CACNA2D1: variants seen among roughly 807,000 people sequenced by gnomAD.
CACNA2D1 encodes voltage-dependent calcium channel subunit alpha-2/delta-1.
A neutral mutation model predicts 171.5 loss-of-function variants in CACNA2D1; 53 were observed. That is an observed-to-expected ratio of 0.31 (90% CI 0.25 to 0.39). The LOEUF (loss-of-function observed/expected upper bound fraction) is 0.39. CACNA2D1 is among the 10% of genes least tolerant of loss of function. The probability of loss-of-function intolerance (pLI) is 1.00; values close to 1 mark genes in which losing one functional copy is unlikely to be tolerated. For synonymous variants in CACNA2D1, 442 were observed against 443.1 expected (o/e 1.00, Z 0.03); for missense variants, 903 against 1,299.8 (o/e 0.69, Z 4.69).
chr7:82,097,524 G>A (rs1812035352), intron 6 of CACNA2D1, among the ~76,000 whole-genome samples: 1 of 152,130 alleles, frequency 6.6e-6, no homozygotes, highest in Non-Finnish European at 1.5e-5. Context: ...AGGAAGCATG[G>A]TTTTCTGACT....
rs147597228 is a variant in CACNA2D1 at position 82,327,101 on chromosome 7, C to T, written c.294+8034G>A. ...AGAAAACAATATTTCCTTTCCTCTC[C>T]TCTGCTTCTTTAAAATGAATTTTCT... is the stretch of plus-strand genomic sequence containing the variant. On this transcript the variant is annotated intron_variant, in intron 3 of 38. Coordinates refer to ENST00000356860, the MANE Select transcript of CACNA2D1 (RefSeq NM_000722.4). 1.3e-3 allele frequency among the ~76,000 whole-genome samples: 197 copies of T among 152,330 alleles called. 1 individual carries two copies. Among genetic ancestry groups the T allele is most frequent in the African/African-American group, 4.4e-3 (183 of 41,574 alleles).
At chr7:82,002,040 A>G (rs995224354) in intron 18 of CACNA2D1, among the ~76,000 whole-genome samples, 7 of 149,728 alleles carry the variant, frequency 4.7e-5, no homozygotes, top group African/African-American at 1.5e-4. Flanking sequence ...AAAAAAAAAA[A>G]AAAGAGAGAG....
At chr7:82,351,505 T>C (rs1380286564) in intron 1 of CACNA2D1, among the ~76,000 whole-genome samples, 1 of 151,848 alleles carries the variant, frequency 6.6e-6, no homozygotes, top group African/African-American at 2.4e-5. Context: ...ATGGAATACA[T>C]TAAAACTAGG....
At chr7:82,302,441 G>C (rs945304280) in intron 3 of CACNA2D1, among the ~76,000 whole-genome samples, 1 of 141,314 alleles carries the variant, frequency 7.1e-6, no homozygotes, top group Non-Finnish European at 1.5e-5. Context: ...ACGGAGTTTC[G>C]CTCTTGATGC....
intron 6 of CACNA2D1, among the ~76,000 whole-genome samples, chr7:82,101,369 G>A (rs1812658333): frequency 1.3e-5 from 2 of 152,132 alleles, no homozygotes; most frequent in South Asian, 4.1e-4. Flanking sequence ...CACAGGTGAT[G>A]ATGGGTGACA....
chr7:82,035,984 T>C (rs1358199978), intron 11 of CACNA2D1, among the ~76,000 whole-genome samples: 1 of 152,166 alleles, frequency 6.6e-6, no homozygotes, highest in Non-Finnish European at 1.5e-5. Flanking sequence ...ATTTTCTGTC[T>C]TCTTAATCTA....
intron 1 of CACNA2D1, among the ~76,000 whole-genome samples, chr7:82,435,739 A>G (rs1279572720): frequency 1.3e-5 from 2 of 151,720 alleles, no homozygotes; most frequent in Non-Finnish European, 2.9e-5. Context: ...ATTCAAACCT[A>G]TTACTTTTTT....
At chr7:82,076,801 T>C (rs1210012052) in intron 7 of CACNA2D1, among the ~76,000 whole-genome samples, 1 of 152,158 alleles carries the variant, frequency 6.6e-6, no homozygotes, top group African/African-American at 2.4e-5. Context: ...TTTGATTCAA[T>C]ATTACTTTTT....
intron 3 of CACNA2D1, among the ~76,000 whole-genome samples, chr7:82,218,136 G>A (rs1386761520): frequency 6.6e-5 from 10 of 151,904 alleles, no homozygotes; most frequent in African/African-American, 2.4e-4. Flanking sequence ...TGGTTTCACC[G>A]TGTTGGACAG....
Position 82,370,865 on chromosome 7 carries a change from G to A in CACNA2D1, c.96-21216C>T, listed in dbSNP as rs139564407. The stretch of plus-strand genomic sequence containing the variant: ...TGAAATACGCAGTAGTTCAAATATT[G>A]AATTAAAAATAAAGGATTTTAAAAT... On this transcript the variant is annotated intron_variant, in intron 1 of 38. Coordinates refer to ENST00000356860, the MANE Select transcript of CACNA2D1 (RefSeq NM_000722.4). Among the ~76,000 whole-genome samples, 834 of 152,026 alleles carry A rather than the reference G, an allele frequency of 5.5e-3. 9 individuals are homozygous for A. The highest frequency in any genetic ancestry group is 0.019 in the African/African-American group (792 of 41,468).
At chr7:82,237,333 G>A (rs2129289051) in intron 3 of CACNA2D1, among the ~76,000 whole-genome samples, 1 of 151,970 alleles carries the variant, frequency 6.6e-6, no homozygotes, top group South Asian at 2.1e-4. Flanking sequence ...TCTAAAGCTA[G>A]ATCAGCAAAT....
chr7:82,441,405 T>C (rs1830493305), intron 1 of CACNA2D1, among the ~76,000 whole-genome samples: 1 of 152,102 alleles, frequency 6.6e-6, no homozygotes, highest in African/African-American at 2.4e-5. Flanking sequence ...ATGTCTTATA[T>C]AATTTGAAAA....
chr7:82,228,753 T>TTTA (rs1328702148), intron 3 of CACNA2D1, among the ~76,000 whole-genome samples: 13 of 152,010 alleles, frequency 8.6e-5, no homozygotes, highest in South Asian at 4.2e-4. Context: ...CTGCAAACGT[T>TTTA]TTATTATTAT....
intron 4 of CACNA2D1, among the ~76,000 whole-genome samples, chr7:82,138,443 TTTTTTG>T (rs1218172611): frequency 0.14 from 10,711 of 76,454 alleles, 1,016 homozygotes; most frequent in East Asian, 0.24. Context: ...TTTTTTTGTT[TTTTTTG>T]TTTTTTTTTT....
At chr7:82,366,727 G>GTA (rs1341389398) in intron 1 of CACNA2D1, among the ~76,000 whole-genome samples, 4 of 151,828 alleles carry the variant, frequency 2.6e-5, no homozygotes, top group Non-Finnish European at 4.4e-5. Flanking sequence ...TTTCCTTTGG[G>GTA]TATATATATC....
chr7:82,075,210 C>G (rs1808813554), intron 7 of CACNA2D1, among the ~76,000 whole-genome samples: 1 of 110,530 alleles, frequency 9.0e-6, no homozygotes, highest in African/African-American at 2.8e-5. Flanking sequence ...GAGGATAAAT[C>G]ACCATAATTA....
chr7:82,099,108 TTTC>T (rs149448299), intron 6 of CACNA2D1, among the ~76,000 whole-genome samples: 48,876 of 151,854 alleles, frequency 0.32, 8,617 homozygotes, highest in East Asian at 0.4. Context: ...AATCCTTTAC[TTTC>T]TTGTCAGTTT....
At chr7:82,125,589 TAAA>T (rs1790240403) in intron 5 of CACNA2D1, among the ~76,000 whole-genome samples, 1 of 152,130 alleles carries the variant, frequency 6.6e-6, no homozygotes, top group Non-Finnish European at 1.5e-5. Context: ...AAAATCTGAA[TAAA>T]CAGAGCCAGA....
chr7:82,047,578 T>C (rs549195501), intron 10 of CACNA2D1, among the ~76,000 whole-genome samples: 5 of 152,250 alleles, frequency 3.3e-5, no homozygotes, highest in African/African-American at 9.6e-5. Context: ...TGAAACTGTT[T>C]ATAAAATTCT....
Sources: gnomAD v4.1 joint callset for allele counts (sites outside exome capture counted in the v4.1 genomes callset) on GRCh38, gnomAD v4.1.1 for gene constraint, MANE v1.5 for transcripts, NCBI Gene and HGNC (gene_info 2026-07-23, HGNC 2026-07-21) for gene names.